LHFPL3: variants seen among roughly 807,000 people sequenced by gnomAD.
LHFPL3 encodes the protein LHFPL tetraspan subfamily member 3.
A neutral mutation model predicts 19.3 loss-of-function variants in LHFPL3; 5 were observed. The observed-to-expected ratio is 0.26, with a 90% CI of 0.14 to 0.54. The LOEUF (loss-of-function observed/expected upper bound fraction) is 0.54. Ranked by LOEUF, LHFPL3 falls within the 20% of genes least tolerant of loss-of-function variation. LHFPL3 has a pLI of 0.94. For synonymous variants in LHFPL3, 133 were observed against 126.2 expected, an observed-to-expected ratio of 1.05 and a Z score of -0.36; for missense variants, 249 against 307.4, an observed-to-expected ratio of 0.81 and a Z score of 1.42.
intron 1 of LHFPL3, among the ~76,000 whole-genome samples, chr7:104,448,783 C>T (rs1792378210): frequency 6.6e-6 from 1 of 152,096 alleles, no homozygotes; most frequent in Non-Finnish European, 1.5e-5. Context: ...TTTTGATTGT[C>T]TTTAAAGAAT....
At chr7:104,653,761 G>T (rs1026686468) in intron 1 of LHFPL3, among the ~76,000 whole-genome samples, 1 of 152,024 alleles carries the variant, frequency 6.6e-6, no homozygotes, top group Admixed American at 6.5e-5. Flanking sequence ...ACTTTTTCAT[G>T]ATGTTCACCT....
chr7:104,876,845 T>C (rs1212877840), intron 2 of LHFPL3, among the ~76,000 whole-genome samples: 1 of 152,258 alleles, frequency 6.6e-6, no homozygotes, highest in African/African-American at 2.4e-5. Flanking sequence ...ATTGTGGCAC[T>C]ATTCACAAAA....
At chr7:104,341,461 TTC>T (rs139204872) in intron 1 of LHFPL3, among the ~76,000 whole-genome samples, 4,527 of 152,340 alleles carry the variant, frequency 0.03, 93 homozygotes, top group Non-Finnish European at 0.046. Flanking sequence ...CAAATGAACA[TTC>T]TCTGTTTTAC....
chr7:104,450,077 A>G (rs558441652), intron 1 of LHFPL3, among the ~76,000 whole-genome samples: 131 of 152,180 alleles, frequency 8.6e-4, no homozygotes, highest in Non-Finnish European at 1.4e-3. Flanking sequence ...AATATTGGTA[A>G]TTTATTTTCT....
chr7:104,423,323 C>T (rs1791771250), intron 1 of LHFPL3, among the ~76,000 whole-genome samples: 1 of 152,126 alleles, frequency 6.6e-6, no homozygotes, highest in South Asian at 2.1e-4. Context: ...AAGAAACAGG[C>T]TTGTTCAGGC....
At chr7:104,859,064 A>G (rs1310578103) in intron 2 of LHFPL3, among the ~76,000 whole-genome samples, 1 of 152,048 alleles carries the variant, frequency 6.6e-6, no homozygotes, top group Non-Finnish European at 1.5e-5. Context: ...GGAGTTCGAG[A>G]CCAGCCTGGC....
At chr7:104,482,158 A>G (rs994839359) in intron 1 of LHFPL3, among the ~76,000 whole-genome samples, 2 of 152,152 alleles carry the variant, frequency 1.3e-5, no homozygotes, top group African/African-American at 4.8e-5. Flanking sequence ...CCTGCTACTC[A>G]CACTGGACTC....
At position 104,724,174 on chromosome 7, in the gene LHFPL3, C is replaced by T. The variant is rs182781845; in HGVS notation, c.446-12501C>T. ...TGCAGGTTAATAAGGTTCTGGTTAACGGAATGCCAGAAAACAGAAATTTAT... is the reference window on the plus strand; with the variant it reads ...TGCAGGTTAATAAGGTTCTGGTTAATGGAATGCCAGAAAACAGAAATTTAT... On this transcript the variant is annotated intron_variant, in intron 1 of 2. Coordinates refer to ENST00000424859, the MANE Select transcript of LHFPL3 (RefSeq NM_199000.3). Among the ~76,000 whole-genome samples the T allele has an allele frequency of 1.3e-4, 20 of 152,204 alleles. 1 individual carries two copies. In the South Asian group the frequency reaches 3.3e-3, roughly 25 times the overall value.
intron 1 of LHFPL3, among the ~76,000 whole-genome samples, chr7:104,576,101 G>A (rs1379745046): frequency 6.6e-6 from 1 of 152,056 alleles, no homozygotes; most frequent in African/African-American, 2.4e-5. Context: ...AGAGTACAAT[G>A]AGAATAAAAC....
intron 1 of LHFPL3, among the ~76,000 whole-genome samples, chr7:104,445,725 G>A (rs980147269): frequency 1.3e-5 from 2 of 152,184 alleles, no homozygotes; most frequent in East Asian, 3.8e-4. Context: ...TCCAGGCAAA[G>A]TTGAAGATAC....
intron 1 of LHFPL3, among the ~76,000 whole-genome samples, chr7:104,489,537 C>A (rs1461691662): frequency 6.6e-6 from 1 of 150,632 alleles, no homozygotes; most frequent in Non-Finnish European, 1.5e-5. Context: ...AGTGTGTCTC[C>A]ATAAATATTT....
intron 1 of LHFPL3, among the ~76,000 whole-genome samples, chr7:104,430,288 G>T (rs1424775931): frequency 6.9e-6 from 1 of 145,944 alleles, no homozygotes; most frequent in East Asian, 2.0e-4. Context: ...CTTAAGGCAA[G>T]GCACCTCTTT....
chr7:104,570,514 G>A (rs975619927), intron 1 of LHFPL3, among the ~76,000 whole-genome samples: 29 of 152,202 alleles, frequency 1.9e-4, no homozygotes, highest in African/African-American at 6.7e-4. Flanking sequence ...ATGTCATAAC[G>A]CAAAAATAAT....
intron 2 of LHFPL3, among the ~76,000 whole-genome samples, chr7:104,847,153 G>A (rs1417659042): frequency 6.6e-6 from 1 of 152,160 alleles, no homozygotes; most frequent in Non-Finnish European, 1.5e-5. Flanking sequence ...TCTCAAATCT[G>A]CCAATTTCAG....
At chr7:104,633,553 G>C (rs1342982564) in intron 1 of LHFPL3, among the ~76,000 whole-genome samples, 11 of 152,134 alleles carry the variant, frequency 7.2e-5, no homozygotes, top group Non-Finnish European at 1.6e-4. Flanking sequence ...GTTTCTTTGA[G>C]GAAAGAAATC....
Position 104,482,883 on chromosome 7 carries a change from C to T in LHFPL3, c.445+153659C>T, listed in dbSNP as rs1793162794. 2.0e-5 allele frequency among the ~76,000 whole-genome samples: 3 copies of T among 152,174 alleles called. No homozygotes were observed. In the South Asian group the frequency reaches 6.2e-4, roughly 32 times the overall value. ...CTGAGAAGATATGCTCAGCATAATT[C>T]CTCACAAGGCCAAGTCTCCATGTGG... On this transcript the variant is annotated intron_variant, in intron 1 of 2. Transcript: ENST00000424859.
At chr7:104,647,732 A>T (rs1236370156) in intron 1 of LHFPL3, among the ~76,000 whole-genome samples, 1 of 152,204 alleles carries the variant, frequency 6.6e-6, no homozygotes, top group African/African-American at 2.4e-5. Context: ...CAGTCATTGG[A>T]TGGCAGCTGC....
chr7:104,696,054 G>C (rs919150386), intron 1 of LHFPL3, among the ~76,000 whole-genome samples: 1 of 152,098 alleles, frequency 6.6e-6, no homozygotes, highest in Admixed American at 6.5e-5. Flanking sequence ...GGGTTCCAGC[G>C]ATTCTCCTGC....
chr7:104,789,393 T>C (rs56214042), intron 2 of LHFPL3, among the ~76,000 whole-genome samples: 18,216 of 152,262 alleles, frequency 0.12, 1,332 homozygotes, highest in Non-Finnish European at 0.16. Flanking sequence ...CAAGAGACTC[T>C]TGGGGTTCAG....
Sources: allele counts gnomAD v4.1 joint callset (sites outside exome capture counted in the v4.1 genomes callset), GRCh38; gene constraint gnomAD v4.1.1; transcripts MANE v1.5; gene names NCBI Gene and HGNC (gene_info 2026-07-23, HGNC 2026-07-21).